Variants in BRWD1 observed in about 807,000 individuals in gnomAD.
The protein encoded by BRWD1 is bromodomain and WD repeat-containing protein 1.
Under a neutral mutation model 251.2 loss-of-function variants are expected in BRWD1, and 82 were observed. The observed-to-expected ratio is 0.33, with a 90% CI of 0.27 to 0.39. The LOEUF (loss-of-function observed/expected upper bound fraction) is 0.39. Among genes scored for constraint, BRWD1 ranks in the 10% least tolerant of loss-of-function variants. The pLI is 1.00. For synonymous variants in BRWD1, 918 were observed against 902.8 expected (o/e 1.02, Z -0.30); for missense variants, 2,233 against 2,711.6 (o/e 0.82, Z 3.92).
intron 20 of BRWD1, among the ~76,000 whole-genome samples, chr21:39,249,721 G>A (rs554015359): frequency 4.6e-5 from 7 of 152,288 alleles, no homozygotes; most frequent in Non-Finnish European, 8.8e-5. Context: ...TAATTTGTCA[G>A]TACTGATTTT....
chr21:39,217,983 T>TACCC (rs1393973168), intron 31 of BRWD1, among the ~76,000 whole-genome samples, 169 bp downstream of exon 31: 1 of 152,014 alleles, frequency 6.6e-6, no homozygotes, highest in Non-Finnish European at 1.5e-5. Flanking sequence ...TGCCTGGCCC[T>TACCC]ACCCACACCT....
rs2031493578 is a variant in BRWD1, at chr21:39,190,445, A to T, written c.*5814T>A. 1.0e-6 allele frequency: 1 copy of T among 985,392 alleles called. No homozygotes were observed. Among genetic ancestry groups the T allele is most frequent in the Admixed American group, 6.1e-5 (1 of 16,276 alleles). The allele number at this position is 985,392 out of a possible 1,614,324, so 61.0% of individuals were successfully genotyped here. On this transcript the variant is annotated 3_prime_UTR_variant, in exon 41 of 41. Transcript: ENST00000342449. The stretch of plus-strand genomic sequence containing the variant: ...ATGAAAACATACTAGCCTCTTTCAT[A>T]AACTCCTAGAATCTTGACATTATTG...
intron 15 of BRWD1, among the ~76,000 whole-genome samples, chr21:39,268,380 G>A (rs1338873045): frequency 2.7e-5 from 4 of 149,566 alleles, no homozygotes; most frequent in Admixed American, 6.7e-5. Flanking sequence ...GGCGGAGGTC[G>A]CAGCGACCCC....
intron 31 of BRWD1, chr21:39,217,311 G>T: frequency 6.5e-6 from 1 of 153,692 alleles, no homozygotes; most frequent in Non-Finnish European, 1.4e-5. Context: ...GGCCAGGCTG[G>T]TCTCAAACTC....
chr21:39,256,384 A>G (rs931972296), intron 18 of BRWD1, among the ~76,000 whole-genome samples: 1 of 152,256 alleles, frequency 6.6e-6, no homozygotes. Context: ...GATTCTCATG[A>G]TTCTCAAGAG....
chr21:39,300,845 C>T (rs1283567709), intron 4 of BRWD1, among the ~76,000 whole-genome samples: 2 of 152,156 alleles, frequency 1.3e-5, no homozygotes, highest in African/African-American at 4.8e-5. Flanking sequence ...CCACTTGGGA[C>T]TTTAATTACA....
chr21:39,259,927 A>G (rs797015438), intron 17 of BRWD1, among the ~76,000 whole-genome samples: 8 of 152,308 alleles, frequency 5.3e-5, no homozygotes, highest in African/African-American at 1.9e-4. Context: ...CACCATAAAG[A>G]CAGATAGAGA....
chr21:39,281,999 TAC>T lies in BRWD1; in HGVS notation c.832-1753_832-1752del, dbSNP rs200243744. On this transcript the variant is annotated intron_variant, in intron 8 of 40. Coordinates refer to ENST00000342449, the MANE Select transcript of BRWD1 (RefSeq NM_033656.4). ...ATACATGTATATAAATATGTATATATACACATATGTCAACATATACGTCTATG... is the reference window on the plus strand; with the variant it reads ...ATACATGTATATAAATATGTATATATACATATGTCAACATATACGTCTATG... Among the ~76,000 whole-genome samples the T allele has an allele frequency of 9.2e-4, 140 of 151,632 alleles. 1 individual carries two copies. The highest frequency in any genetic ancestry group is 6.5e-3 in the Admixed American group (99 of 15,196).
chr21:39,191,934 G>A lies in BRWD1; in HGVS notation c.*4325C>T, dbSNP rs1056732403. 3.0e-6 allele frequency: 3 copies of A among 984,384 alleles called. No homozygotes were observed. In the African/African-American group the frequency reaches 5.2e-5, roughly 17 times the overall value. The allele number at this position is 984,384 out of a possible 1,614,324, so 61.0% of individuals were successfully genotyped here. ...TAATTAAATTCAAACTATTGGTCTT[G>A]CCATACTTGAGAAACAGATGTATAG... On this transcript the variant is annotated 3_prime_UTR_variant, in exon 41 of 41. Transcript: ENST00000342449.
chr21:39,193,876 AGT>A lies in BRWD1; in HGVS notation c.*2381_*2382del. On this transcript the variant is annotated 3_prime_UTR_variant, in exon 41 of 41. Coordinates refer to ENST00000342449, the MANE Select transcript of BRWD1 (RefSeq NM_033656.4). Reference sequence around the variant, plus strand: ...TTAATTTTCCTTAAAGGTACTTAGGAGTGTGTGTGTCACATATTCAAAGTTAA... The same window carrying A: ...TTAATTTTCCTTAAAGGTACTTAGGAGTGTGTGTCACATATTCAAAGTTAA... The A allele has an allele frequency of 1.0e-6, 1 of 985,460 alleles. No individual in the cohort carries two copies. The highest frequency in any genetic ancestry group is 1.7e-5 in the African/African-American group (1 of 57,324). The allele number at this position is 985,460 out of a possible 1,614,324, so 61.0% of individuals were successfully genotyped here. A position where few individuals can be genotyped will look rare whatever the true frequency, so the allele number is the denominator to read the frequency against.
intron 10 of BRWD1, among the ~76,000 whole-genome samples, chr21:39,277,706 G>A (rs1029164125): frequency 6.6e-6 from 1 of 152,246 alleles, no homozygotes; most frequent in African/African-American, 2.4e-5. Context: ...TGGGATTACA[G>A]GAGCACACCA....
At chr21:39,206,000 A>G in intron 37 of BRWD1, 108 bp downstream of exon 37, 1 of 1,108,438 alleles carries the variant, frequency 9.0e-7, no homozygotes, top group Non-Finnish European at 1.3e-6. Flanking sequence ...AAATCACTTG[A>G]ACCCGGGAGG....
At position 39,218,272 on chromosome 21, in the gene BRWD1, T is replaced by C. The variant is rs201441999; in HGVS notation, c.3539A>G (p.Asp1180Gly). ...AGGGCCTGCAAAAGCTGCTGCTATA[T>C]CTGTTAGGGAAGACAGGAGAGTTTT... ...ISGIDQLLNL[D>G]IAAAFAGPVD... Residue 1180 changes from aspartate (D) to glycine (G), a missense_variant and splice_region_variant, in exon 31 of 41, where the codon GAT becomes GGT. Coordinates refer to ENST00000342449, the MANE Select transcript of BRWD1 (RefSeq NM_033656.4). The C allele has an allele frequency of 3.3e-4, 530 of 1,603,144 alleles. No individual in the cohort carries two copies. Among genetic ancestry groups the C allele is most frequent in the Non-Finnish European group, 4.3e-4 (503 of 1,177,296 alleles).
intron 4 of BRWD1, 122 bp downstream of exon 4, chr21:39,312,719 G>A (rs1233762136): frequency 2.2e-5 from 13 of 585,986 alleles, no homozygotes; most frequent in South Asian, 2.3e-5. Context: ...AGCTATCCCC[G>A]GGCCGCCCCC....
At chr21:39,256,308 A>G (rs1318858738) in intron 18 of BRWD1, among the ~76,000 whole-genome samples, 1 of 152,238 alleles carries the variant, frequency 6.6e-6, no homozygotes, top group African/African-American at 2.4e-5. Context: ...TTTTTGAAAA[A>G]TTTGCACTGA....
rs74358439 is a variant in BRWD1 at position 39,237,235 on chromosome 21, G to A, written c.2577-451C>T. 3.2e-4 allele frequency among the ~76,000 whole-genome samples: 48 copies of A among 152,234 alleles called. No homozygotes were observed. The East Asian group carries it at 8.1e-3, about 26-fold the overall frequency. On this transcript the variant is annotated intron_variant, in intron 22 of 40. Transcript: ENST00000342449. The stretch of plus-strand genomic sequence containing the variant: ...ATCACAAGCCATCAATGAACACACT[G>A]AGAAGCCCAAGGGAAGCATAGCTAC...
chr21:39,227,551 G>A, intron 27 of BRWD1, among the ~76,000 whole-genome samples: 1 of 151,830 alleles, frequency 6.6e-6, no homozygotes, highest in Non-Finnish European at 1.5e-5. Flanking sequence ...CTACATTGAG[G>A]TACTAAAATT....
At chr21:39,212,878 A>G (rs946117014) in intron 33 of BRWD1, among the ~76,000 whole-genome samples, 171 bp from the exon 34 acceptor site, 7 of 143,744 alleles carry the variant, frequency 4.9e-5, no homozygotes, top group Non-Finnish European at 1.1e-4. Context: ...CCCAGGCTTG[A>G]AAAAAAAAAA....
intron 33 of BRWD1, 82 bp downstream of exon 33, chr21:39,213,399 A>G (rs2032748361): frequency 2.1e-6 from 2 of 960,016 alleles, no homozygotes; most frequent in Non-Finnish European, 3.2e-6. Context: ...AAGAGTTGGT[A>G]CTACAAAGCC....
Sources: gnomAD v4.1 joint callset for allele counts (sites outside exome capture counted in the v4.1 genomes callset) on GRCh38, gnomAD v4.1.1 for gene constraint, MANE v1.5 for transcripts, NCBI Gene and HGNC (gene_info 2026-07-23, HGNC 2026-07-21) for gene names.